ADGB: variants seen among roughly 807,000 people sequenced by gnomAD.
ADGB encodes the protein calpain-7-like protein.
ADGB carries 172 observed loss-of-function variants against 210.5 expected under a neutral mutation model. The observed-to-expected ratio is 0.82, with a 90% CI of 0.72 to 0.93. ADGB has a LOEUF of 0.93. Ranked by LOEUF, ADGB falls within the 40% of genes least tolerant of loss-of-function variation. The pLI is 0.00. For missense variants in ADGB, 2,025 were observed against 1,964.8 expected, an observed-to-expected ratio of 1.03 and a Z score of -0.58; for synonymous variants, 658 against 662.7, an observed-to-expected ratio of 0.99 and a Z score of 0.11.
At position 146,728,616 on chromosome 6, in the gene ADGB, G is replaced by T; in HGVS notation, c.2395G>T (p.Ala799Ser). The change falls in exon 20 of 36, where the codon GCT becomes TCT. Residue 799 changes from alanine to serine, a missense_variant. Physicochemically the swap from Ala to Ser is moderately conservative, Grantham distance 99. Transcript: ENST00000397944. ...FTEQSLLIMK[A>S]IGNVIANFKD... Reference sequence around the variant, plus strand: ...GGAACAGTCTCTGTTGATTATGAAAGCTATTGGAAATGTGATTGCTAATTT... The same window carrying T: ...GGAACAGTCTCTGTTGATTATGAAATCTATTGGAAATGTGATTGCTAATTT... The T allele has an allele frequency of 6.4e-7, 1 of 1,551,646 alleles. No individual in the cohort carries two copies. Among genetic ancestry groups the T allele is most frequent in the Non-Finnish European group, 8.7e-7 (1 of 1,146,952 alleles).
At chr6:146,661,200 T>C (rs1775850211) in intron 5 of ADGB, among the ~76,000 whole-genome samples, 1 of 148,456 alleles carries the variant, frequency 6.7e-6, no homozygotes, top group Non-Finnish European at 1.5e-5. Flanking sequence ...CCTTTTTCCT[T>C]TACTTTTTTT....
intron 33 of ADGB, among the ~76,000 whole-genome samples, chr6:146,800,811 G>A (rs1778119042): frequency 1.3e-5 from 2 of 152,114 alleles, no homozygotes; most frequent in South Asian, 2.1e-4. Context: ...TTTGGGCAAA[G>A]CCCAATCTCA....
At chr6:146,779,903 A>G (rs1201493151) in intron 29 of ADGB, among the ~76,000 whole-genome samples, 2 of 151,476 alleles carry the variant, frequency 1.3e-5, no homozygotes, top group Non-Finnish European at 2.9e-5. Context: ...GAAGCTACAT[A>G]AAGAAATAAA....
intron 13 of ADGB, among the ~76,000 whole-genome samples, chr6:146,713,290 T>G (rs1007320526): frequency 1.2e-4 from 19 of 152,332 alleles, no homozygotes; most frequent in African/African-American, 4.6e-4. Context: ...GTGGAATTGC[T>G]GGATATGGTA....
intron 20 of ADGB, among the ~76,000 whole-genome samples, chr6:146,732,449 G>T (rs1198260615): frequency 6.6e-6 from 1 of 152,120 alleles, no homozygotes; most frequent in Non-Finnish European, 1.5e-5. Context: ...ATGAAAGAGA[G>T]CCCAGGTGGT....
chr6:146,777,079 A>T (rs1777732452), intron 29 of ADGB, among the ~76,000 whole-genome samples: 1 of 151,936 alleles, frequency 6.6e-6, no homozygotes, highest in Non-Finnish European at 1.5e-5. Context: ...TTTGTCCCCC[A>T]ATTTGAAAGT....
At chr6:146,716,770 A>C (rs1205939473) in intron 14 of ADGB, 113 bp from the exon 15 acceptor site, 1 of 1,000,590 alleles carries the variant, frequency 1.0e-6, no homozygotes, top group Non-Finnish European at 1.4e-6. Flanking sequence ...ATTATCTCAT[A>C]AATATTTTCC....
In ADGB at chr6:146,815,085, A is replaced by G; in HGVS notation, c.4872A>G (p.Arg1624=). 6.5e-7 allele frequency: 1 copy of G among 1,548,934 alleles called. No homozygotes were observed. The highest frequency in any genetic ancestry group is 8.7e-7 in the Non-Finnish European group (1 of 1,146,326). Reference sequence around the variant, plus strand: ...TTTTCGACATCCGGGAAGAGTACAGAAACAAATTGCTGGAAGCTGAGCACC... The same window carrying G: ...TTTTCGACATCCGGGAAGAGTACAGGAACAAATTGCTGGAAGCTGAGCACC... ...QKIFDIREEY[R]NKLLEAEHLK... is the part of the protein sequence containing the mutation. The change falls in exon 36 of 36, where the codon AGA becomes AGG. Residue 1624 remains arginine (R), a synonymous_variant. Coordinates refer to ENST00000397944, the MANE Select transcript of ADGB (RefSeq NM_024694.4).
At chr6:146,667,669 A>G (rs1267092791) in intron 7 of ADGB, among the ~76,000 whole-genome samples, 1 of 152,074 alleles carries the variant, frequency 6.6e-6, no homozygotes, top group Non-Finnish European at 1.5e-5. Context: ...AACATTTGCA[A>G]ACTTCCCTTT....
At chr6:146,691,477 A>AAAATATATATATATATAAAAATAT (rs1342320983) in intron 11 of ADGB, among the ~76,000 whole-genome samples, 187 bp downstream of exon 11, 1 of 18,568 alleles carries the variant, frequency 5.4e-5, no homozygotes, top group African/African-American at 4.3e-4. Context: ...TATATATATA[A>AAAATATATATATATATAAAAATAT]ATATATATAT....
chr6:146,761,897 T>C (rs1458004339), intron 27 of ADGB, among the ~76,000 whole-genome samples: 1 of 152,034 alleles, frequency 6.6e-6, no homozygotes, highest in Non-Finnish European at 1.5e-5. Context: ...TTCTTCTAGT[T>C]TTTGGTGGAT....
At chr6:146,660,382 A>G (rs1047389995) in intron 5 of ADGB, among the ~76,000 whole-genome samples, 12 of 152,210 alleles carry the variant, frequency 7.9e-5, no homozygotes, top group African/African-American at 2.4e-4. Flanking sequence ...TGTTCAAAGT[A>G]TGCAGTGAAA....
chr6:146,602,743 G>A (rs1237475829), intron 1 of ADGB, among the ~76,000 whole-genome samples: 1 of 152,290 alleles, frequency 6.6e-6, no homozygotes, highest in East Asian at 1.9e-4. Flanking sequence ...GTGAGAGGCA[G>A]GGGAGTCAAC....
At chr6:146,793,333 C>T (rs1328204544) in intron 33 of ADGB, among the ~76,000 whole-genome samples, 1 of 152,186 alleles carries the variant, frequency 6.6e-6, no homozygotes, top group African/African-American at 2.4e-5. Context: ...CCACTTGACC[C>T]AGGAAGTCAA....
At chr6:146,776,137 A>G (rs1319444802) in intron 29 of ADGB, among the ~76,000 whole-genome samples, 1 of 152,128 alleles carries the variant, frequency 6.6e-6, no homozygotes, top group Non-Finnish European at 1.5e-5. Context: ...TTTCATCAAC[A>G]AAATACTCCC....
chr6:146,710,586 G>C (rs994903840), intron 13 of ADGB, among the ~76,000 whole-genome samples: 1 of 151,952 alleles, frequency 6.6e-6, no homozygotes, highest in Non-Finnish European at 1.5e-5. Context: ...AGATACTCTG[G>C]AGGGCACATC....
Position 146,726,036 on chromosome 6 carries a change from A to T in ADGB, c.2238-47A>T, listed in dbSNP as rs567891192. 5.4e-5 allele frequency: 69 copies of T among 1,280,606 alleles called. No individual in the cohort carries two copies. The African/African-American group carries it at 9.1e-4, about 17-fold the overall frequency. The allele number at this position is 1,280,606 out of a possible 1,614,324, so 79.3% of individuals were successfully genotyped here. Reference sequence around the variant, plus strand: ...ATAAGCAACTCACAGGTCAAATGCCACCACCCAGGAAGCACTCGGTTATCA... The same window carrying T: ...ATAAGCAACTCACAGGTCAAATGCCTCCACCCAGGAAGCACTCGGTTATCA... On this transcript the variant is annotated intron_variant, in intron 18 of 35. Coordinates refer to ENST00000397944, the MANE Select transcript of ADGB (RefSeq NM_024694.4).
At chr6:146,760,048 T>G (rs1021973487) in intron 27 of ADGB, among the ~76,000 whole-genome samples, 6 of 151,838 alleles carry the variant, frequency 4.0e-5, no homozygotes, top group Non-Finnish European at 7.4e-5. Flanking sequence ...GTAAAAATAA[T>G]GAGTTATGAA....
At chr6:146,797,537 G>GTATACATA (rs1004369250) in intron 33 of ADGB, among the ~76,000 whole-genome samples, 5 of 151,540 alleles carry the variant, frequency 3.3e-5, no homozygotes, top group South Asian at 2.1e-4. Flanking sequence ...ACACACACAC[G>GTATACATA]TATACATATA....
Sources: allele counts gnomAD v4.1 joint callset (sites outside exome capture counted in the v4.1 genomes callset), GRCh38; gene constraint gnomAD v4.1.1; transcripts MANE v1.5; gene names NCBI Gene and HGNC (gene_info 2026-07-23, HGNC 2026-07-21).